EPHA5: variants seen among roughly 807,000 people sequenced by gnomAD.
EPHA5 encodes the protein EPH receptor A5.
In EPHA5, 60 loss-of-function variants were observed where a neutral mutation model predicts 105.0. The observed-to-expected ratio is 0.57, with a 90% CI of 0.46 to 0.71. The LOEUF (loss-of-function observed/expected upper bound fraction) is 0.71, where lower values mean the gene tolerates loss of function less well. EPHA5 is among the 30% of genes least tolerant of loss of function. The pLI, the probability that EPHA5 is intolerant of heterozygous loss-of-function variation, is 0.00. For synonymous variants in EPHA5, 513 were observed against 449.1 expected, an observed-to-expected ratio of 1.14 and a Z score of -1.80; for missense variants, 1,218 against 1,274.7, an observed-to-expected ratio of 0.96 and a Z score of 0.68.
At chr4:65,611,524 CAAAAAAA>C (rs5858974) in intron 2 of EPHA5, among the ~76,000 whole-genome samples, 1 of 117,862 alleles carries the variant, frequency 8.5e-6, no homozygotes. Flanking sequence ...GTTGTTCTGG[CAAAAAAA>C]AAAAAAAAAA....
chr4:65,574,900 C>A (rs942982184), intron 3 of EPHA5, among the ~76,000 whole-genome samples: 5 of 151,124 alleles, frequency 3.3e-5, no homozygotes, highest in African/African-American at 1.2e-4. Context: ...ACTGTCAGTT[C>A]AAGGATTAGA....
chr4:65,624,959 A>G (rs990154564), intron 2 of EPHA5, among the ~76,000 whole-genome samples: 4 of 152,198 alleles, frequency 2.6e-5, no homozygotes, highest in Non-Finnish European at 5.9e-5. Context: ...TGCTAGTGTT[A>G]AAAAGATAAA....
chr4:65,358,545 T>C (rs553426814), intron 11 of EPHA5, among the ~76,000 whole-genome samples: 11 of 151,668 alleles, frequency 7.3e-5, no homozygotes, highest in Non-Finnish European at 1.3e-4. Context: ...CAATTATTAA[T>C]GGATAATGGT....
At chr4:65,551,199 T>C (rs1737869755) in intron 3 of EPHA5, among the ~76,000 whole-genome samples, 1 of 151,526 alleles carries the variant, frequency 6.6e-6, no homozygotes, top group Non-Finnish European at 1.5e-5. Context: ...AAATGATATG[T>C]TCATGCCATG....
intron 5 of EPHA5, among the ~76,000 whole-genome samples, chr4:65,468,758 C>A (rs1578186645): frequency 6.7e-6 from 1 of 148,620 alleles, no homozygotes; most frequent in African/African-American, 2.5e-5. Flanking sequence ...ATGAAGACAG[C>A]TTAAGTACTA....
chr4:65,515,807 G>A (rs1269512075), intron 3 of EPHA5, among the ~76,000 whole-genome samples: 3 of 152,120 alleles, frequency 2.0e-5, no homozygotes, highest in African/African-American at 7.2e-5. Context: ...CATCTGAATA[G>A]ACAGACTGAG....
intron 2 of EPHA5, among the ~76,000 whole-genome samples, chr4:65,610,039 A>T (rs1240701318): frequency 1.3e-5 from 2 of 152,176 alleles, no homozygotes; most frequent in Non-Finnish European, 2.9e-5. Flanking sequence ...ATGAACTCAT[A>T]TGTTCATTGC....
chr4:65,479,146 A>G (rs1234998299), intron 5 of EPHA5, among the ~76,000 whole-genome samples: 7 of 152,166 alleles, frequency 4.6e-5, no homozygotes, highest in African/African-American at 1.7e-4. Context: ...AGTAACATTT[A>G]TTTACACCTT....
intron 8 of EPHA5, among the ~76,000 whole-genome samples, chr4:65,394,017 AG>A (rs1720978279): frequency 6.6e-6 from 1 of 152,178 alleles, no homozygotes. Flanking sequence ...GAGAAAATAA[AG>A]TTTTAAGGGT....
intron 16 of EPHA5, among the ~76,000 whole-genome samples, chr4:65,326,967 A>G (rs1720138399): frequency 6.6e-6 from 1 of 151,230 alleles, no homozygotes. Flanking sequence ...TATGGGTTCC[A>G]TATTCCAAAT....
chr4:65,519,813 C>T (rs553606858), intron 3 of EPHA5, among the ~76,000 whole-genome samples: 11 of 152,128 alleles, frequency 7.2e-5, no homozygotes, highest in Non-Finnish European at 1.2e-4. Flanking sequence ...AGGAATCCAA[C>T]TTACAAGTGA....
chr4:65,395,144 G>T (rs1721090831), intron 8 of EPHA5, among the ~76,000 whole-genome samples: 1 of 152,182 alleles, frequency 6.6e-6, no homozygotes. Flanking sequence ...CAGGCATGTA[G>T]CAAGAACTCA....
intron 11 of EPHA5, among the ~76,000 whole-genome samples, chr4:65,356,236 C>A (rs1723283593): frequency 1.3e-5 from 2 of 151,404 alleles, no homozygotes; most frequent in Non-Finnish European, 3.0e-5. Context: ...AGAATTTCTT[C>A]TTTCTGCCTA....
At chr4:65,654,442 T>G (rs1471036472) in intron 1 of EPHA5, among the ~76,000 whole-genome samples, 2 of 151,732 alleles carry the variant, frequency 1.3e-5, no homozygotes, top group Admixed American at 1.3e-4. Context: ...AGTATCTACT[T>G]AACTGCCAAG....
intron 5 of EPHA5, among the ~76,000 whole-genome samples, chr4:65,421,188 G>T (rs918687987): frequency 5.3e-5 from 8 of 151,880 alleles, no homozygotes; most frequent in Non-Finnish European, 1.0e-4. Flanking sequence ...TTTATATCGG[G>T]TCTATGAAAC....
chr4:65,409,670 C>G (rs1722733721), intron 7 of EPHA5, among the ~76,000 whole-genome samples: 1 of 152,144 alleles, frequency 6.6e-6, no homozygotes, highest in African/African-American at 2.4e-5. Context: ...GGATCCTTCT[C>G]TCACAGCAAT....
At chr4:65,449,019 G>A (rs965771456) in intron 5 of EPHA5, among the ~76,000 whole-genome samples, 1 of 151,654 alleles carries the variant, frequency 6.6e-6, no homozygotes, top group Non-Finnish European at 1.5e-5. Context: ...CAGAACAGAT[G>A]GACAGTTTTA....
chr4:65,460,684 C>A (rs1414333206), intron 5 of EPHA5, among the ~76,000 whole-genome samples: 1 of 151,644 alleles, frequency 6.6e-6, no homozygotes, highest in African/African-American at 2.4e-5. Flanking sequence ...TAAGTGTTCA[C>A]AGTAGTTTTT....
chr4:65,621,940 G>A (rs1745739125), intron 2 of EPHA5, among the ~76,000 whole-genome samples: 1 of 152,102 alleles, frequency 6.6e-6, no homozygotes, highest in Non-Finnish European at 1.5e-5. Flanking sequence ...TGAACATTAA[G>A]ATCAGCACTC....
Sources: gnomAD v4.1 joint callset for allele counts (sites outside exome capture counted in the v4.1 genomes callset) on GRCh38, gnomAD v4.1.1 for gene constraint, MANE v1.5 for transcripts, NCBI Gene and HGNC (gene_info 2026-07-23, HGNC 2026-07-21) for gene names.